Variants in RSPRY1 observed in about 807,000 individuals in gnomAD.
RSPRY1 encodes the protein RING finger and SPRY domain-containing protein 1.
A neutral mutation model predicts 73.1 loss-of-function variants in RSPRY1; 23 were observed. That is an observed-to-expected ratio of 0.31 (90% CI 0.23 to 0.45). RSPRY1 has a LOEUF of 0.45. RSPRY1 is among the 20% of genes least tolerant of loss of function. The probability of loss-of-function intolerance (pLI) is 1.00; values close to 1 mark genes in which losing one functional copy is unlikely to be tolerated. For synonymous variants in RSPRY1, 226 were observed against 251.4 expected (o/e 0.90, Z 0.95); for missense variants, 448 against 698.7 (o/e 0.64, Z 4.05).
chr16:57,222,357 T>C (rs945011244), intron 10 of RSPRY1, among the ~76,000 whole-genome samples: 31 of 152,240 alleles, frequency 2.0e-4, no homozygotes, highest in Non-Finnish European at 3.5e-4. Flanking sequence ...GCCTCCTGAA[T>C]AGCTGAGACT....
chr16:57,222,545 G>A (rs549801493), intron 10 of RSPRY1, among the ~76,000 whole-genome samples: 2 of 152,294 alleles, frequency 1.3e-5, no homozygotes, highest in Admixed American at 6.5e-5. Flanking sequence ...TGTCTGGGGT[G>A]GAGAACTAGA....
chr16:57,192,262 AT>A (rs1218417867), intron 1 of RSPRY1, among the ~76,000 whole-genome samples: 1 of 152,204 alleles, frequency 6.6e-6, no homozygotes, highest in Non-Finnish European at 1.5e-5. Context: ...GTTTTCTGTA[AT>A]AGAAAAATCC....
intron 1 of RSPRY1, among the ~76,000 whole-genome samples, chr16:57,192,696 T>C (rs2074370786): frequency 6.6e-6 from 1 of 151,656 alleles, no homozygotes; most frequent in South Asian, 2.1e-4. Flanking sequence ...GAGGAAGGTT[T>C]TTCCAGAGAC....
intron 1 of RSPRY1, among the ~76,000 whole-genome samples, chr16:57,202,917 TTCTG>T (rs1245105314): frequency 9.5e-5 from 14 of 147,440 alleles, no homozygotes; most frequent in Non-Finnish European, 1.9e-4. Flanking sequence ...TCTGAAGACT[TTCTG>T]TCTCCATTTT....
intron 11 of RSPRY1, among the ~76,000 whole-genome samples, chr16:57,227,916 G>C (rs1170555256): frequency 6.6e-6 from 1 of 152,162 alleles, no homozygotes; most frequent in Non-Finnish European, 1.5e-5. Flanking sequence ...CCTAGCATCA[G>C]AGCTAGATAG....
At chr16:57,205,605 A>G (rs752077531) in intron 2 of RSPRY1, among the ~76,000 whole-genome samples, 2 of 152,260 alleles carry the variant, frequency 1.3e-5, no homozygotes, top group Non-Finnish European at 2.9e-5. Context: ...CATAGATTGA[A>G]TAACAGTGAA....
At position 57,221,367 on chromosome 16, in the gene RSPRY1, C is replaced by T. The variant is rs150201254; in HGVS notation, c.1113C>T (p.Gly371=). 48 of 1,613,872 alleles carry T rather than the reference C, an allele frequency of 3.0e-5. No individual in the cohort carries two copies. Among genetic ancestry groups the T allele is most frequent in the Non-Finnish European group, 3.6e-5 (43 of 1,179,996 alleles). ...WYYEVTVVTS[G]VMQIGWATRD... is the part of the protein sequence containing the mutation. The stretch of plus-strand genomic sequence containing the variant: ...ATGAAGTAACAGTGGTCACTTCTGG[C>T]GTCATGCAGATTGGCTGGGCCACTC... Residue 371 remains glycine, a synonymous_variant, in exon 10 of 15, where the codon GGC becomes GGT. Transcript: ENST00000394420.
At chr16:57,211,851 T>C (rs1307451342) in intron 4 of RSPRY1, among the ~76,000 whole-genome samples, 1 of 152,006 alleles carries the variant, frequency 6.6e-6, no homozygotes, top group Non-Finnish European at 1.5e-5. Context: ...AGTGCTGGGA[T>C]TACAGGCATG....
intron 5 of RSPRY1, 150 bp downstream of exon 5, chr16:57,213,248 C>G (rs1355371733): frequency 2.4e-5 from 17 of 706,766 alleles, no homozygotes; most frequent in Middle Eastern, 2.7e-4. Context: ...AAGAAAATTA[C>G]TGAAAGGCTA....
chr16:57,196,204 G>A (rs2074444409), intron 1 of RSPRY1, among the ~76,000 whole-genome samples: 1 of 151,866 alleles, frequency 6.6e-6, no homozygotes, highest in East Asian at 1.9e-4. Flanking sequence ...AATATATGGA[G>A]CCATTTTTTC....
chr16:57,235,261 C>G (rs533736912), intron 14 of RSPRY1, 33 bp downstream of exon 14: 3 of 1,475,886 alleles, frequency 2.0e-6, no homozygotes, highest in East Asian at 2.3e-5. Flanking sequence ...AAGTTTCATA[C>G]TGTTCTTAAA....
At chr16:57,221,789 T>C (rs2075041054) in intron 10 of RSPRY1, among the ~76,000 whole-genome samples, 1 of 152,256 alleles carries the variant, frequency 6.6e-6, no homozygotes, top group Non-Finnish European at 1.5e-5. Flanking sequence ...TTTGTAGGGA[T>C]TCTTTTCCTT....
intron 13 of RSPRY1, among the ~76,000 whole-genome samples, chr16:57,232,516 C>T (rs149095201): frequency 6.6e-6 from 1 of 152,252 alleles, no homozygotes; most frequent in African/African-American, 2.4e-5. Flanking sequence ...TCTGAGGGGA[C>T]ACCTCTCCCT....
At chr16:57,214,402 T>C (rs2074901494) in intron 6 of RSPRY1, among the ~76,000 whole-genome samples, 2 of 152,356 alleles carry the variant, frequency 1.3e-5, no homozygotes, top group Middle Eastern at 3.4e-3. Context: ...ATATTGTCTA[T>C]GAAGCTTCTG....
At chr16:57,197,538 A>G (rs796742873) in intron 1 of RSPRY1, among the ~76,000 whole-genome samples, 4 of 151,952 alleles carry the variant, frequency 2.6e-5, no homozygotes, top group Non-Finnish European at 4.4e-5. Context: ...AAGTATTTAC[A>G]GTTTTTTTAA....
chr16:57,198,462 ATAAAGT>A (rs1478900781), intron 1 of RSPRY1, among the ~76,000 whole-genome samples: 7 of 152,212 alleles, frequency 4.6e-5, no homozygotes, highest in East Asian at 1.9e-4. Context: ...GGAAAAAATG[ATAAAGT>A]TTAAGAATTT....
At chr16:57,190,569 TATC>T (rs1181831589) in intron 1 of RSPRY1, among the ~76,000 whole-genome samples, 12 of 152,244 alleles carry the variant, frequency 7.9e-5, no homozygotes, top group African/African-American at 2.9e-4. Flanking sequence ...TCAAGGCAGT[TATC>T]ATTGAATTTG....
At position 57,208,679 on chromosome 16, in the gene RSPRY1, T is replaced by C. The variant is rs937217441; in HGVS notation, c.404-396T>C. On this transcript the variant is annotated intron_variant, in intron 3 of 14. Transcript: ENST00000394420. ...CCTCCCAAAGTGCTGGGATTACAGG[T>C]GTGAGCCACAGCCCCTGGCCAAAGA... Among the ~76,000 whole-genome samples, 4 of 152,068 alleles carry C rather than the reference T, an allele frequency of 2.6e-5. No homozygotes were observed. The East Asian group carries it at 7.7e-4, about 29-fold the overall frequency.
intron 6 of RSPRY1, among the ~76,000 whole-genome samples, chr16:57,215,249 G>A (rs1838659234): frequency 6.6e-6 from 1 of 152,212 alleles, no homozygotes; most frequent in South Asian, 2.1e-4. Context: ...AGAAGACAGT[G>A]TTCAGAGATA....
Sources: gnomAD v4.1 joint callset for allele counts (sites outside exome capture counted in the v4.1 genomes callset) on GRCh38, gnomAD v4.1.1 for gene constraint, MANE v1.5 for transcripts, NCBI Gene and HGNC (gene_info 2026-07-23, HGNC 2026-07-21) for gene names.